GSN: variants seen among roughly 807,000 people sequenced by gnomAD.
The protein encoded by GSN is actin-depolymerizing factor.
A neutral mutation model predicts 85.7 loss-of-function variants in GSN; 56 were observed. That is an observed-to-expected ratio of 0.65 (90% CI 0.53 to 0.82). The LOEUF is 0.82. GSN is among the 40% of genes least tolerant of loss of function. The pLI, the probability that GSN is intolerant of heterozygous loss-of-function variation, is 0.00. For missense variants in GSN, 857 were observed against 979.8 expected (o/e 0.87, Z 1.67); for synonymous variants, 373 against 399.1 (o/e 0.93, Z 0.78).
chr9:121,328,643 C>T (rs975148823), intron 14 of GSN, among the ~76,000 whole-genome samples: 2 of 152,198 alleles, frequency 1.3e-5, no homozygotes, highest in African/African-American at 2.4e-5. Flanking sequence ...GCAATGCTGT[C>T]GTCAGCCTCA....
At chr9:121,242,708 T>C (rs956235752) in intron 5 of GSN, among the ~76,000 whole-genome samples, 3 of 152,122 alleles carry the variant, frequency 2.0e-5, no homozygotes, top group African/African-American at 4.8e-5. Context: ...GACAGCTGAG[T>C]GGCTCAGGAG....
chr9:121,291,613 T>C (rs928931649), intron 2 of GSN, among the ~76,000 whole-genome samples: 8 of 151,978 alleles, frequency 5.3e-5, no homozygotes, highest in Admixed American at 1.3e-4. Context: ...AGAGATGGGG[T>C]TTCACCATGT....
intron 6 of GSN, among the ~76,000 whole-genome samples, chr9:121,260,239 T>C (rs1005224655): frequency 1.3e-5 from 2 of 152,202 alleles, no homozygotes; most frequent in Non-Finnish European, 2.9e-5. Flanking sequence ...TGTGGCAGGA[T>C]GAACCCCTTC....
At chr9:121,239,692 G>A in intron 5 of GSN, 1 of 303,594 alleles carries the variant, frequency 3.3e-6, no homozygotes, top group Non-Finnish European at 6.5e-6. Context: ...TCTTCAGCCA[G>A]TACAAGAGGA....
chr9:121,254,887 C>A (rs1225327139), intron 6 of GSN, among the ~76,000 whole-genome samples: 2 of 152,102 alleles, frequency 1.3e-5, no homozygotes, highest in African/African-American at 4.8e-5. Context: ...TCTTATATAC[C>A]CTTACAAAAG....
At chr9:121,310,888 C>T in intron 5 of GSN, 43 bp downstream of exon 5, 2 of 1,591,134 alleles carry the variant, frequency 1.3e-6, no homozygotes, top group South Asian at 2.2e-5. Context: ...CTGAGGTGCT[C>T]CTGGTCTGAT....
intron 12 of GSN, 151 bp from the exon 13 acceptor site, chr9:121,326,361 G>C: frequency 5.6e-6 from 4 of 717,402 alleles, no homozygotes; most frequent in Non-Finnish European, 9.9e-6. Context: ...TGGAATTCTG[G>C]TGTCCCTGCC....
the GSN span, chr9:121,201,565 C>T: frequency 1.3e-5 from 2 of 152,466 alleles, no homozygotes; most frequent in African/African-American, 4.8e-5. Context: ...TCCACCGTCC[C>T]CACACACGCC....
intron 1 of GSN, among the ~76,000 whole-genome samples, chr9:121,275,168 T>C (rs1164361151): frequency 1.3e-5 from 2 of 152,160 alleles, no homozygotes; most frequent in Admixed American, 6.5e-5. Flanking sequence ...CAAATACACT[T>C]GCACAATTCA....
intron 4 of GSN, among the ~76,000 whole-genome samples, chr9:121,214,404 G>A (rs1464236192): frequency 2.0e-5 from 3 of 151,954 alleles, no homozygotes; most frequent in South Asian, 2.1e-4. Context: ...ATCTTTCTGA[G>A]TCTCAGTGTT....
In GSN at chr9:121,332,326, G is replaced by A; in HGVS notation, c.2027-108G>A. ...AGGGGGTGGGCAGTAGGGACAGTAG[G>A]ACCATAGACCCTCTTCTTTGTCAAC... is the stretch of plus-strand genomic sequence containing the variant. On this transcript the variant is annotated intron_variant, in intron 17 of 17. Transcript: ENST00000432226. This position sits in a 1 kb window ranked among gnomAD's most constrained non-coding sequence, Gnocchi z 4.8. 9.9e-7 allele frequency: 1 copy of A among 1,010,434 alleles called. No homozygotes were observed. Among genetic ancestry groups the A allele is most frequent in the Non-Finnish European group, 1.6e-6 (1 of 631,156 alleles). 62.6% of individuals were successfully genotyped at this position (1,010,434 alleles called of 1,614,324 possible). A position where few individuals can be genotyped will look rare whatever the true frequency, so the allele number is the denominator to read the frequency against.
At position 121,305,718 on chromosome 9, in the gene GSN, T is replaced by C. The variant is rs190766204; in HGVS notation, c.351+2653T>C. Among the ~76,000 whole-genome samples the C allele has an allele frequency of 4.4e-3, 674 of 152,324 alleles. 2 individuals carry two copies. Among genetic ancestry groups the C allele is most frequent in the Non-Finnish European group, 7.5e-3 (512 of 68,018 alleles). On this transcript the variant is annotated intron_variant, in intron 4 of 17. Transcript: ENST00000432226. Reference sequence around the variant, plus strand: ...AGGAAAGCTCCAGCTGGGCCCAGATTTGGGGCTTCTGTCCTGAAAGGCGCT... The same window carrying C: ...AGGAAAGCTCCAGCTGGGCCCAGATCTGGGGCTTCTGTCCTGAAAGGCGCT...
At chr9:121,249,374 G>T (rs2054769553) in intron 6 of GSN, among the ~76,000 whole-genome samples, 2 of 152,190 alleles carry the variant, frequency 1.3e-5, no homozygotes, top group African/African-American at 2.4e-5. Flanking sequence ...CTACTTGGGA[G>T]GCTGAGGCAG....
At chr9:121,221,732 C>T (rs1307141912) in intron 4 of GSN, among the ~76,000 whole-genome samples, 1 of 152,158 alleles carries the variant, frequency 6.6e-6, no homozygotes, top group Non-Finnish European at 1.5e-5. Context: ...CTGACATTCT[C>T]TGGGCCACAG....
At position 121,318,404 on chromosome 9, in the gene GSN, A is replaced by G. The variant is rs1564547960; in HGVS notation, c.887-2A>G. 1 of 1,612,644 alleles carries G rather than the reference A, an allele frequency of 6.2e-7. No homozygotes were observed. The highest frequency in any genetic ancestry group is 1.3e-5 in the African/African-American group (1 of 75,054). On this transcript the variant is annotated splice_acceptor_variant, in intron 8 of 17. Transcript: ENST00000432226. LOFTEE classifies it high-confidence loss of function. The surrounding 1 kb of genome is among the most constrained non-coding windows in gnomAD (Gnocchi z 4.3). ...TCCATCACTTCCTCTGGCTGCCAAC[A>G]GGCAAGCAGGCAAACACGGAGGAGA...
chr9:121,227,902 G>A (rs1460742392), intron 4 of GSN, among the ~76,000 whole-genome samples: 1 of 152,104 alleles, frequency 6.6e-6, no homozygotes, highest in African/African-American at 2.4e-5. Flanking sequence ...CACCCCACAT[G>A]GATTCATCCC....
Position 121,268,191 on chromosome 9 carries a change from A to C in GSN, c.-131A>C, listed in dbSNP as rs2055330754. The C allele has an allele frequency of 6.6e-6, 1 of 151,898 alleles. No homozygotes were observed. The highest frequency in any genetic ancestry group is 6.6e-5 in the Admixed American group (1 of 15,262). 9.4% of individuals were successfully genotyped at this position (151,898 alleles called of 1,614,324 possible). A position where few individuals can be genotyped will look rare whatever the true frequency, so the allele number is the denominator to read the frequency against. On this transcript the variant is annotated 5_prime_UTR_variant, in exon 1 of 18. Transcript: ENST00000432226. ...CCAGCTGAGCGCAGCTGGACCCAGC[A>C]GCCGCTGTCTCCAGTGCCGCAGCAG...
chr9:121,310,587 A>G, intron 4 of GSN, 97 bp from the exon 5 acceptor site: 1 of 1,187,872 alleles, frequency 8.4e-7, no homozygotes, highest in South Asian at 1.3e-5. Context: ...CTGGTCCACA[A>G]GCCAGAATTT....
intron 4 of GSN, among the ~76,000 whole-genome samples, chr9:121,221,646 C>T (rs1439127365): frequency 2.6e-5 from 4 of 152,134 alleles, no homozygotes; most frequent in East Asian, 1.9e-4. Flanking sequence ...TGCCCTCTGC[C>T]GGTTCCCTCC....
Sources: gnomAD v4.1 joint callset for allele counts (sites outside exome capture counted in the v4.1 genomes callset) on GRCh38, gnomAD v4.1.1 for gene constraint, Gnocchi (gnomAD v3.1) non-coding constraint, MANE v1.5 for transcripts, NCBI Gene and HGNC (gene_info 2026-07-23, HGNC 2026-07-21) for gene names.